PALM2AKAP2: variants seen among roughly 807,000 people sequenced by gnomAD.
PALM2AKAP2 encodes the protein PALM2 and AKAP2 fusion.
PALM2AKAP2 carries 37 observed loss-of-function variants against 71.5 expected under a neutral mutation model. That is an observed-to-expected ratio of 0.52 (90% CI 0.40 to 0.68). PALM2AKAP2 has a LOEUF of 0.68. Among genes scored for constraint, PALM2AKAP2 ranks in the 30% least tolerant of loss-of-function variants. The pLI is 0.00. For missense variants in PALM2AKAP2, 1,224 were observed against 1,191.8 expected (o/e 1.03, Z -0.40); for synonymous variants, 468 against 478.8 (o/e 0.98, Z 0.29).
At chr9:110,160,201 G>T (rs1323643236) in intron 3 of PALM2AKAP2, among the ~76,000 whole-genome samples, 1 of 152,204 alleles carries the variant, frequency 6.6e-6, no homozygotes, top group African/African-American at 2.4e-5. Context: ...ACACATTTGG[G>T]GGGTAGAGTA....
chr9:109,939,730 A>T (rs1440875250), intron 6 of PALM2AKAP2, among the ~76,000 whole-genome samples: 1 of 152,240 alleles, frequency 6.6e-6, no homozygotes, highest in Non-Finnish European at 1.5e-5. Context: ...ACATTTTGTG[A>T]GAAATCAGGA....
chr9:109,948,219 T>G lies in PALM2AKAP2; in HGVS notation c.496+16191T>G, dbSNP rs1025560552. 2.0e-5 allele frequency among the ~76,000 whole-genome samples: 3 copies of G among 151,286 alleles called. No individual in the cohort carries two copies. The East Asian group carries it at 6.2e-4, about 31-fold the overall frequency. On this transcript the variant is annotated intron_variant, in intron 6 of 9. Transcript: ENST00000302798. ...GCAAACTTCTTAGTAAAATTCCCATTTCAACAAAAACCAAAATACTGATTG... is the reference window on the plus strand; with the variant it reads ...GCAAACTTCTTAGTAAAATTCCCATGTCAACAAAAACCAAAATACTGATTG...
intron 6 of PALM2AKAP2, among the ~76,000 whole-genome samples, chr9:109,991,436 C>A (rs1205837176): frequency 6.6e-6 from 1 of 151,852 alleles, no homozygotes; most frequent in African/African-American, 2.4e-5. Context: ...ATGGGGCCTC[C>A]CTGTGTTGCC....
chr9:110,037,263 C>T (rs534328726), intron 7 of PALM2AKAP2, among the ~76,000 whole-genome samples: 23 of 152,112 alleles, frequency 1.5e-4, no homozygotes, highest in African/African-American at 4.8e-4. Context: ...TGCAATGGCA[C>T]GATCTCAGCT....
chr9:109,915,777 G>T (rs966740889), intron 3 of PALM2AKAP2, among the ~76,000 whole-genome samples: 1 of 152,016 alleles, frequency 6.6e-6, no homozygotes, highest in Non-Finnish European at 1.5e-5. Context: ...AGAATTGTTA[G>T]TATTATAATA....
At chr9:110,007,351 C>T (rs998787958) in intron 6 of PALM2AKAP2, among the ~76,000 whole-genome samples, 12 of 152,158 alleles carry the variant, frequency 7.9e-5, no homozygotes, top group African/African-American at 2.9e-4. Context: ...CTAAATGATA[C>T]AGTATGAGGA....
rs1830510819 is a variant in PALM2AKAP2, at chr9:109,908,993, G to A, written c.258-14742G>A. On this transcript the variant is annotated intron_variant, in intron 3 of 9. Coordinates refer to the PALM2AKAP2 transcript ENST00000302798. ...GCCCAGATGCTTCCTGCATGAAGGGGTGAACTCAGAGAGCGTCACAGGGCA... is the reference window on the plus strand; with the variant it reads ...GCCCAGATGCTTCCTGCATGAAGGGATGAACTCAGAGAGCGTCACAGGGCA... Among the ~76,000 whole-genome samples the A allele has an allele frequency of 2.0e-5, 3 of 152,210 alleles. No individual in the cohort carries two copies. In the South Asian group the frequency reaches 6.2e-4, roughly 32 times the overall value.
chr9:110,027,277 G>C (rs1833198234), intron 7 of PALM2AKAP2, among the ~76,000 whole-genome samples: 1 of 152,020 alleles, frequency 6.6e-6, no homozygotes, highest in African/African-American at 2.4e-5. Context: ...CTTGAATTTT[G>C]TTTATCCAAC....
At chr9:109,983,871 AAAAAG>A (rs989793386) in intron 6 of PALM2AKAP2, among the ~76,000 whole-genome samples, 2 of 152,176 alleles carry the variant, frequency 1.3e-5, no homozygotes, top group African/African-American at 2.4e-5. Context: ...ACTTAAAAAA[AAAAAG>A]AAAAGAAAAG....
At chr9:109,932,617 A>T (rs1469969245) in intron 6 of PALM2AKAP2, among the ~76,000 whole-genome samples, 2 of 152,242 alleles carry the variant, frequency 1.3e-5, no homozygotes, top group Non-Finnish European at 2.9e-5. Flanking sequence ...TAATATATTT[A>T]TGAGTGTTGA....
chr9:109,933,342 C>G (rs761861853), intron 6 of PALM2AKAP2, among the ~76,000 whole-genome samples: 7 of 152,150 alleles, frequency 4.6e-5, no homozygotes, highest in Non-Finnish European at 1.0e-4. Flanking sequence ...AGAGTGACAC[C>G]CCTTCCCTCT....
chr9:110,136,928 G>T (rs139564817), exon 2 of PALM2AKAP2: 2 of 1,614,164 alleles, frequency 1.2e-6, no homozygotes, highest in South Asian at 2.2e-5. Context: ...CAGCCAGGCC[G>T]TCAAGAAGAA....
chr9:109,795,498 T>C (rs557005446), intron 1 of PALM2AKAP2, among the ~76,000 whole-genome samples: 2 of 152,306 alleles, frequency 1.3e-5, no homozygotes, highest in South Asian at 4.1e-4. Flanking sequence ...ATTAAAAAAA[T>C]GGTAAATCCT....
At chr9:109,985,133 G>A (rs938071680) in intron 6 of PALM2AKAP2, among the ~76,000 whole-genome samples, 7 of 151,758 alleles carry the variant, frequency 4.6e-5, no homozygotes, top group Admixed American at 1.3e-4. Flanking sequence ...CCAAGATCAC[G>A]CCATTGCACT....
chr9:110,006,428 T>G (rs1368177728), intron 6 of PALM2AKAP2, among the ~76,000 whole-genome samples: 1 of 151,434 alleles, frequency 6.6e-6, no homozygotes, highest in African/African-American at 2.4e-5. Flanking sequence ...CACAGCTCAC[T>G]GCAGCTTCTA....
intron 6 of PALM2AKAP2, among the ~76,000 whole-genome samples, chr9:109,980,679 G>A (rs1343044635): frequency 6.6e-6 from 1 of 152,178 alleles, no homozygotes; most frequent in Non-Finnish European, 1.5e-5. Flanking sequence ...AAACCTACAG[G>A]TTAACAGGTT....
chr9:109,720,594 C>T (rs142785490), intron 1 of PALM2AKAP2, among the ~76,000 whole-genome samples: 7 of 152,222 alleles, frequency 4.6e-5, no homozygotes, highest in South Asian at 2.1e-4. Context: ...CAGGGGAACA[C>T]TAATATTTAA....
chr9:110,128,350 G>T (rs998550081), intron 1 of PALM2AKAP2, among the ~76,000 whole-genome samples: 2 of 152,186 alleles, frequency 1.3e-5, no homozygotes, highest in Non-Finnish European at 2.9e-5. Context: ...TGCGTCCTGC[G>T]CACTGAAAAC....
intron 5 of PALM2AKAP2, 73 bp downstream of exon 5, chr9:109,925,155 G>A: frequency 6.3e-6 from 10 of 1,599,070 alleles, no homozygotes; most frequent in Non-Finnish European, 8.6e-6. Context: ...ATTAACAGGG[G>A]CTTAAGGAAG....
Sources: gnomAD v4.1 joint callset for allele counts (sites outside exome capture counted in the v4.1 genomes callset) on GRCh38, gnomAD v4.1.1 for gene constraint, MANE v1.5 for transcripts, NCBI Gene and HGNC (gene_info 2026-07-23, HGNC 2026-07-21) for gene names.